Variants in TBC1D5 observed in about 807,000 individuals in gnomAD.
The protein encoded by TBC1D5 is TBC1 domain family member 5, also known as TBC1 domain family, member 5.
TBC1D5 carries 75 observed loss-of-function variants against 100.3 expected under a neutral mutation model. The observed-to-expected ratio is 0.75, with a 90% CI of 0.62 to 0.91. TBC1D5 has a LOEUF of 0.91. Among genes scored for constraint, TBC1D5 ranks in the 40% least tolerant of loss-of-function variants. TBC1D5 has a pLI of 0.00. For synonymous variants in TBC1D5, 323 were observed against 325.6 expected, an observed-to-expected ratio of 0.99 and a Z score of 0.09; for missense variants, 910 against 942.4, an observed-to-expected ratio of 0.97 and a Z score of 0.45.
chr3:17,174,492 C>T (rs1425435057), intron 19 of TBC1D5, among the ~76,000 whole-genome samples: 1 of 152,120 alleles, frequency 6.6e-6, no homozygotes, highest in Non-Finnish European at 1.5e-5. Context: ...GCTCTCTCTC[C>T]CTACCTTGAA....
chr3:17,634,626 TAAA>T (rs1000749608), intron 1 of TBC1D5, among the ~76,000 whole-genome samples: 8 of 85,486 alleles, frequency 9.4e-5, no homozygotes, highest in African/African-American at 8.9e-5. Flanking sequence ...GCTAATAGGG[TAAA>T]AAAAAAAAAA....
chr3:17,343,603 C>A (rs1408599637), intron 13 of TBC1D5, among the ~76,000 whole-genome samples: 7 of 150,676 alleles, frequency 4.6e-5, no homozygotes, highest in African/African-American at 1.2e-4. Context: ...GTCCTGGACT[C>A]TTTTTGGTTG....
chr3:17,718,212 T>A (rs1272801419), intron 1 of TBC1D5, among the ~76,000 whole-genome samples: 1 of 152,216 alleles, frequency 6.6e-6, no homozygotes, highest in Non-Finnish European at 1.5e-5. Flanking sequence ...CCCAAAGGTT[T>A]TTCCTAAAAG....
intron 13 of TBC1D5, among the ~76,000 whole-genome samples, chr3:17,316,730 C>A (rs987840047): frequency 6.6e-6 from 1 of 152,126 alleles, no homozygotes; most frequent in African/African-American, 2.4e-5. Flanking sequence ...GTCTGTAAAT[C>A]GGCACTATCT....
chr3:17,680,811 A>G (rs2069345155), intron 1 of TBC1D5, among the ~76,000 whole-genome samples: 2 of 151,416 alleles, frequency 1.3e-5, no homozygotes, highest in African/African-American at 2.5e-5. Flanking sequence ...TCCCTGAAGT[A>G]CAACAGGGTC....
intron 17 of TBC1D5, among the ~76,000 whole-genome samples, chr3:17,216,361 C>G (rs1372867830): frequency 1.3e-5 from 2 of 152,054 alleles, no homozygotes; most frequent in Non-Finnish European, 2.9e-5. Context: ...CAGAGTTCCC[C>G]TTTGAACTGG....
At chr3:17,308,268 TA>T in intron 13 of TBC1D5, 134 bp from the exon 14 acceptor site, 2 of 825,488 alleles carry the variant, frequency 2.4e-6, no homozygotes, top group Non-Finnish European at 1.7e-6. Flanking sequence ...TATAATATAG[TA>T]AAATCTATAT....
intron 1 of TBC1D5, among the ~76,000 whole-genome samples, chr3:17,637,188 ATTTTTTTTTT>A (rs1186523023): frequency 5.6e-4 from 53 of 95,478 alleles, no homozygotes; most frequent in African/African-American, 2.4e-3. Flanking sequence ...TGCCCGACTA[ATTTTTTTTTT>A]TTTTTTTTTT....
At chr3:17,509,470 C>G (rs1282752633) in intron 2 of TBC1D5, among the ~76,000 whole-genome samples, 1 of 151,952 alleles carries the variant, frequency 6.6e-6, no homozygotes, top group South Asian at 2.1e-4. Context: ...CAATTCATTT[C>G]TCCTTGATTC....
intron 3 of TBC1D5, among the ~76,000 whole-genome samples, chr3:17,460,624 G>C (rs1232028566): frequency 6.6e-6 from 1 of 151,700 alleles, no homozygotes; most frequent in African/African-American, 2.4e-5. Flanking sequence ...TTTGACTCTT[G>C]AGAGTCAAAT....
At chr3:17,687,742 C>G (rs1355847987) in intron 1 of TBC1D5, among the ~76,000 whole-genome samples, 2 of 152,174 alleles carry the variant, frequency 1.3e-5, no homozygotes, top group Admixed American at 6.5e-5. Flanking sequence ...GAAAAGCCCT[C>G]CCTATTCTCT....
At chr3:17,422,184 G>A (rs1423660428) in intron 4 of TBC1D5, among the ~76,000 whole-genome samples, 1 of 151,764 alleles carries the variant, frequency 6.6e-6, no homozygotes, top group Non-Finnish European at 1.5e-5. Flanking sequence ...TTGTTTTGTT[G>A]TTTTGAGACA....
Position 17,501,536 on chromosome 3 carries a change from C to T in TBC1D5, c.97+6938G>A, listed in dbSNP as rs191390262. ...ATCAAGCAAAATTTTGGCCCTACTG[C>T]TCCCACATTCCCTTCAGGACTCCCA... On this transcript the variant is annotated intron_variant, in intron 3 of 21. Coordinates refer to ENST00000253692, the Ensembl canonical transcript of TBC1D5. Among the ~76,000 whole-genome samples the T allele has an allele frequency of 4.6e-4, 68 of 149,218 alleles. 4 individuals carry two copies. The highest frequency in any genetic ancestry group is 8.8e-4 in the Non-Finnish European group (60 of 67,878).
chr3:17,681,335 C>T (rs184806204), intron 1 of TBC1D5, among the ~76,000 whole-genome samples: 2 of 151,740 alleles, frequency 1.3e-5, no homozygotes, highest in East Asian at 3.9e-4. Context: ...AAATACGCCA[C>T]TCTGGTTACC....
chr3:17,470,283 G>A (rs2095357456), intron 3 of TBC1D5, among the ~76,000 whole-genome samples: 1 of 152,122 alleles, frequency 6.6e-6, no homozygotes, highest in Non-Finnish European at 1.5e-5. Context: ...TCCTAAAATA[G>A]GTACATTGGG....
chr3:17,672,881 G>C (rs1193662848), intron 1 of TBC1D5, among the ~76,000 whole-genome samples: 1 of 152,142 alleles, frequency 6.6e-6, no homozygotes, highest in Non-Finnish European at 1.5e-5. Context: ...GAATATCTGT[G>C]GAAGAAGTCT....
chr3:17,637,565 C>A (rs147802737), intron 1 of TBC1D5, among the ~76,000 whole-genome samples: 1,582 of 151,820 alleles, frequency 0.01, 32 homozygotes, highest in African/African-American at 0.036. Flanking sequence ...AAAAGACTTT[C>A]TACACACTAA....
chr3:17,553,893 A>C (rs918280267), intron 2 of TBC1D5, among the ~76,000 whole-genome samples: 1 of 152,230 alleles, frequency 6.6e-6, no homozygotes, highest in African/African-American at 2.4e-5. Flanking sequence ...CAACAATCCA[A>C]GTATTTACCA....
chr3:17,218,110 ACT>A (rs1464369074), intron 17 of TBC1D5, among the ~76,000 whole-genome samples: 2 of 151,962 alleles, frequency 1.3e-5, no homozygotes, highest in African/African-American at 4.8e-5. Context: ...AAAAAAGACT[ACT>A]CTTTCCACAT....
Sources: gnomAD v4.1 joint callset for allele counts (sites outside exome capture counted in the v4.1 genomes callset) on GRCh38, gnomAD v4.1.1 for gene constraint, MANE v1.5 for transcripts, NCBI Gene and HGNC (gene_info 2026-07-23, HGNC 2026-07-21) for gene names.